XPNPEP1: variants seen among roughly 807,000 people sequenced by gnomAD.
XPNPEP1 encodes the protein X-prolyl aminopeptidase 1.
A neutral mutation model predicts 92.4 loss-of-function variants in XPNPEP1; 39 were observed. That is an observed-to-expected ratio of 0.42 (90% confidence interval 0.33 to 0.55). The LOEUF (loss-of-function observed/expected upper bound fraction) is 0.55. Ranked by LOEUF, XPNPEP1 falls within the 20% of genes least tolerant of loss-of-function variation. The probability of loss-of-function intolerance (pLI) is 0.08; values close to 1 mark genes in which losing one functional copy is unlikely to be tolerated. For missense variants in XPNPEP1, 654 were observed against 856.1 expected (o/e 0.76, Z 2.95); for synonymous variants, 307 against 299.4 (o/e 1.03, Z -0.26).
At chr10:109,865,394 C>A (rs1260598435) in intron 20 of XPNPEP1, 82 bp from the exon 21 acceptor site, 27 of 1,571,686 alleles carry the variant, frequency 1.7e-5, no homozygotes, top group Non-Finnish European at 2.2e-5. Flanking sequence ...CAAAGGCCCC[C>A]ATGTGCTAAG....
intron 5 of XPNPEP1, among the ~76,000 whole-genome samples, chr10:109,889,567 T>C (rs942176484): frequency 6.6e-5 from 10 of 152,252 alleles, no homozygotes; most frequent in Admixed American, 2.0e-4. Flanking sequence ...TAGGACACTA[T>C]ATCAGCCTCC....
Position 109,877,929 on chromosome 10 carries a change from C to T in XPNPEP1, c.1242-62G>A, listed in dbSNP as rs1259585292. The T allele has an allele frequency of 1.9e-6, 3 of 1,614,076 alleles. No individual in the cohort carries two copies. In the East Asian group the frequency reaches 6.7e-5, roughly 36 times the overall value. On this transcript the variant is annotated intron_variant, in intron 13 of 20. Coordinates refer to ENST00000502935, the MANE Select transcript of XPNPEP1 (RefSeq NM_020383.4). ...GTTTTTACTGTGCTAAGATTCAGGG[C>T]CCTTCCAGCCTCATTCAACTAGCAA...
intron 5 of XPNPEP1, 28 bp downstream of exon 5, chr10:109,891,694 A>C (rs775283582): frequency 6.5e-7 from 1 of 1,528,058 alleles, no homozygotes; most frequent in African/African-American, 1.4e-5. Flanking sequence ...AGGCCAACTA[A>C]GTTTGGGCTA....
intron 17 of XPNPEP1, chr10:109,871,148 A>T: frequency 2.6e-6 from 1 of 392,124 alleles, no homozygotes; most frequent in East Asian, 4.4e-5. Flanking sequence ...CACCTACAGC[A>T]CACAGAGGCC....
At chr10:109,878,128 G>A in intron 12 of XPNPEP1, 70 bp from the exon 13 acceptor site, 1 of 1,573,796 alleles carries the variant, frequency 6.4e-7, no homozygotes, top group South Asian at 1.1e-5. Context: ...ATTAGAGGAG[G>A]TACATTAAAA....
intron 3 of XPNPEP1, among the ~76,000 whole-genome samples, chr10:109,904,609 T>C (rs577747176): frequency 1.7e-4 from 26 of 152,252 alleles, no homozygotes; most frequent in African/African-American, 5.3e-4. Flanking sequence ...ATGAAACTCA[T>C]TGGGGCAAAG....
chr10:109,878,108 C>A, intron 12 of XPNPEP1, 50 bp from the exon 13 acceptor site: 4 of 1,605,772 alleles, frequency 2.5e-6, no homozygotes, highest in Non-Finnish European at 3.4e-6. Context: ...TTCATGTGTG[C>A]CTCTTACAAA....
chr10:109,917,564 A>G (rs949419077), intron 1 of XPNPEP1, among the ~76,000 whole-genome samples: 1 of 152,232 alleles, frequency 6.6e-6, no homozygotes, highest in African/African-American at 2.4e-5. Flanking sequence ...AAATTGATCT[A>G]TGGACTCAAT....
At chr10:109,916,473 C>CT (rs1850198052) in intron 1 of XPNPEP1, among the ~76,000 whole-genome samples, 2 of 152,288 alleles carry the variant, frequency 1.3e-5, no homozygotes, top group South Asian at 4.1e-4. Context: ...CAGCTATGAA[C>CT]TCAATTAAGT....
At chr10:109,911,842 C>T (rs1166269147) in intron 2 of XPNPEP1, among the ~76,000 whole-genome samples, 1 of 152,210 alleles carries the variant, frequency 6.6e-6, no homozygotes, top group African/African-American at 2.4e-5. Context: ...TAGACTCTGC[C>T]TTCCATTCAG....
chr10:109,869,904 C>T (rs1847355639), intron 19 of XPNPEP1, 49 bp downstream of exon 19: 6 of 1,584,160 alleles, frequency 3.8e-6, no homozygotes, highest in African/African-American at 2.7e-5. Flanking sequence ...CTATCCGAGG[C>T]GTGATTATTG....
At chr10:109,881,575 G>T (rs1195232021) in intron 10 of XPNPEP1, among the ~76,000 whole-genome samples, 5 of 152,200 alleles carry the variant, frequency 3.3e-5, no homozygotes, top group Non-Finnish European at 7.3e-5. Context: ...GAGAGAGGAG[G>T]AGTCACACTG....
At chr10:109,872,559 T>C (rs1285657521) in intron 16 of XPNPEP1, among the ~76,000 whole-genome samples, 2 of 152,306 alleles carry the variant, frequency 1.3e-5, no homozygotes, top group African/African-American at 2.4e-5. Context: ...AAGGTCCAAA[T>C]TCTTCTAAGG....
At chr10:109,922,736 T>A (rs1414550400) in intron 1 of XPNPEP1, among the ~76,000 whole-genome samples, 1 of 152,186 alleles carries the variant, frequency 6.6e-6, no homozygotes, top group Non-Finnish European at 1.5e-5. Flanking sequence ...GATAAGTACA[T>A]CCTGGTTATG....
chr10:109,886,150 C>T (rs1848374649), intron 8 of XPNPEP1, 96 bp downstream of exon 8: 5 of 1,225,268 alleles, frequency 4.1e-6, no homozygotes, highest in Admixed American at 4.0e-5. Flanking sequence ...TATTCCCTGG[C>T]CACTCAGAAA....
At chr10:109,865,549 T>C (rs758815701) in intron 20 of XPNPEP1, among the ~76,000 whole-genome samples, 112 of 152,352 alleles carry the variant, frequency 7.4e-4, no homozygotes, top group Middle Eastern at 3.4e-3. Context: ...TTTACTATTA[T>C]AGACAGCAGT....
intron 3 of XPNPEP1, among the ~76,000 whole-genome samples, chr10:109,894,349 G>A (rs1410750557): frequency 1.3e-5 from 2 of 151,802 alleles, no homozygotes; most frequent in African/African-American, 2.4e-5. Context: ...CTGGGAGCAT[G>A]GTGAAACCTC....
At chr10:109,898,570 G>A (rs537260325) in intron 3 of XPNPEP1, among the ~76,000 whole-genome samples, 1 of 152,320 alleles carries the variant, frequency 6.6e-6, no homozygotes, top group Non-Finnish European at 1.5e-5. Context: ...CAGTCCAGAG[G>A]GAAAGGTGTG....
At chr10:109,903,228 C>T (rs1290340825) in intron 3 of XPNPEP1, among the ~76,000 whole-genome samples, 1 of 152,184 alleles carries the variant, frequency 6.6e-6, no homozygotes, top group Non-Finnish European at 1.5e-5. Context: ...AACCAGAAAC[C>T]TTCAACTCTT....
Sources: gnomAD v4.1 joint callset for allele counts (sites outside exome capture counted in the v4.1 genomes callset) on GRCh38, gnomAD v4.1.1 for gene constraint, MANE v1.5 for transcripts, NCBI Gene and HGNC (gene_info 2026-07-23, HGNC 2026-07-21) for gene names.